The following STK24 variants were observed in gnomAD, a reference collection of about 807,000 sequenced individuals.
STK24 encodes serine/threonine kinase 24.
In STK24, 21 loss-of-function variants were observed where a neutral mutation model predicts 55.6. That is an observed-to-expected ratio of 0.38 (90% CI 0.27 to 0.54). STK24 has a LOEUF of 0.54. Among genes scored for constraint, STK24 ranks in the 20% least tolerant of loss-of-function variants. The pLI is 0.79. For missense variants in STK24, 383 were observed against 538.4 expected (o/e 0.71, Z 2.86); for synonymous variants, 200 against 215.2 (o/e 0.93, Z 0.62).
chr13:98,543,684 A>G lies in STK24; in HGVS notation c.43-24211T>C, dbSNP rs1010250974. ...GCCCTCTACTCCCAAGTGGCCCCCA[A>G]GGATGGTGCTGAACTATGGTAGGAC... On this transcript the variant is annotated intron_variant, in intron 1 of 10. Coordinates refer to ENST00000539966, the MANE Select transcript of STK24 (RefSeq NM_001032296.4). Among the ~76,000 whole-genome samples the G allele has an allele frequency of 1.6e-4, 25 of 152,268 alleles. No homozygotes were observed. In the East Asian group the frequency reaches 1.9e-3, roughly 12 times the overall value.
intron 5 of STK24, among the ~76,000 whole-genome samples, chr13:98,470,442 T>C (rs1894100165): frequency 6.6e-6 from 1 of 152,230 alleles, no homozygotes; most frequent in Non-Finnish European, 1.5e-5. Flanking sequence ...ATGTCTGAGT[T>C]TTAAAGTAAA....
rs978677897 is a variant in STK24 at position 98,519,115 on chromosome 13, C to T, written c.273+128G>A. On this transcript the variant is annotated intron_variant, in intron 2 of 10. Coordinates refer to ENST00000539966, the MANE Select transcript of STK24 (RefSeq NM_001032296.4). ...TATCAAAGCCAGGTTCTTTTGATCACGAAGGTCAAAACATCTCTCCTTGCT... is the reference window on the plus strand; with the variant it reads ...TATCAAAGCCAGGTTCTTTTGATCATGAAGGTCAAAACATCTCTCCTTGCT... 1.2e-4 allele frequency: 87 copies of T among 708,314 alleles called. No homozygotes were observed. The South Asian group carries it at 1.4e-3, about 11-fold the overall frequency. The allele number at this position is 708,314 out of a possible 1,614,324, so 43.9% of individuals were successfully genotyped here.
At chr13:98,559,088 C>A (rs1370595393) in intron 1 of STK24, among the ~76,000 whole-genome samples, 1 of 150,194 alleles carries the variant, frequency 6.7e-6, no homozygotes, top group Non-Finnish European at 1.5e-5. Context: ...ATTCAGGAGG[C>A]TGAGGGCAGA....
chr13:98,534,693 T>C (rs1270496264), intron 1 of STK24, among the ~76,000 whole-genome samples: 1 of 152,110 alleles, frequency 6.6e-6, no homozygotes. Flanking sequence ...ACCGGTAATC[T>C]GGCTCAACCA....
intron 1 of STK24, among the ~76,000 whole-genome samples, chr13:98,537,465 G>A (rs1218459875): frequency 6.6e-6 from 1 of 152,188 alleles, no homozygotes; most frequent in Non-Finnish European, 1.5e-5. Context: ...TGCAGCTGAG[G>A]AGCTGAGGCC....
rs140679513 is a variant in STK24 at position 98,521,775 on chromosome 13, C to T, written c.43-2302G>A. The T allele has an allele frequency of 2.9e-5, 23 of 781,014 alleles. No homozygotes were observed. The East Asian group carries it at 4.8e-4, about 16-fold the overall frequency. The allele number at this position is 781,014 out of a possible 1,614,324, so 48.4% of individuals were successfully genotyped here. A position where few individuals can be genotyped will look rare whatever the true frequency, so the allele number is the denominator to read the frequency against. On this transcript the variant is annotated intron_variant, in intron 1 of 10. Transcript: ENST00000539966. ...GCTGCTTTCATGCCCTCTCCCTTAC[C>T]GTGCTCCCTCCAGGATGAGGTAGAG...
intron 1 of STK24, among the ~76,000 whole-genome samples, chr13:98,559,399 T>C (rs1307180376): frequency 6.6e-6 from 1 of 152,202 alleles, no homozygotes; most frequent in Non-Finnish European, 1.5e-5. Context: ...ACACGCTCTC[T>C]TGCCTGCCGA....
intron 5 of STK24, among the ~76,000 whole-genome samples, chr13:98,468,930 A>G (rs1173598945): frequency 6.6e-6 from 1 of 152,198 alleles, no homozygotes; most frequent in African/African-American, 2.4e-5. Flanking sequence ...TCTCTGACGG[A>G]TGCACCTCCA....
At chr13:98,541,900 T>C (rs1896898951) in intron 1 of STK24, among the ~76,000 whole-genome samples, 1 of 152,196 alleles carries the variant, frequency 6.6e-6, no homozygotes, top group South Asian at 2.1e-4. Context: ...TGAGCAATAC[T>C]TTTCCACTCA....
At chr13:98,493,293 A>G (rs545895876) in intron 2 of STK24, among the ~76,000 whole-genome samples, 10 of 152,352 alleles carry the variant, frequency 6.6e-5, no homozygotes, top group Non-Finnish European at 8.8e-5. Context: ...CAAACTTGAC[A>G]CATTAAATCT....
At chr13:98,569,380 G>A (rs1318917432) in intron 1 of STK24, among the ~76,000 whole-genome samples, 1 of 149,470 alleles carries the variant, frequency 6.7e-6, no homozygotes, top group East Asian at 2.0e-4. Flanking sequence ...CCAACATCAT[G>A]GCATAAACCA....
rs1892811883 is a variant in STK24, at chr13:98,446,043, T to G, written c.*7130A>C. 1 of 1,210,768 alleles carries G rather than the reference T, an allele frequency of 8.3e-7. No individual in the cohort carries two copies. Among genetic ancestry groups the G allele is most frequent in the Non-Finnish European group, 1.2e-6 (1 of 817,604 alleles). The allele number at this position is 1,210,768 out of a possible 1,614,324, so 75.0% of individuals were successfully genotyped here. A position where few individuals can be genotyped will look rare whatever the true frequency, so the allele number is the denominator to read the frequency against. The stretch of plus-strand genomic sequence containing the variant: ...CTGGTGCAGGGAGAGCTGCTCTCTG[T>G]GCCCTCCTGGGGCAGGTGCCCGCTG... On this transcript the variant is annotated 3_prime_UTR_variant, in exon 11 of 11. Coordinates refer to ENST00000539966, the MANE Select transcript of STK24 (RefSeq NM_001032296.4).
At chr13:98,542,715 CCT>C in intron 1 of STK24, 5 of 483,546 alleles carry the variant, frequency 1.0e-5, no homozygotes, top group Non-Finnish European at 1.3e-5. Flanking sequence ...GTCCCTTGTT[CCT>C]GGAGTGAAAG....
intron 1 of STK24, 111 bp from the exon 2 acceptor site, chr13:98,519,584 C>T: frequency 5.9e-6 from 5 of 853,608 alleles, no homozygotes; most frequent in Non-Finnish European, 9.3e-6. Context: ...AGGGACTCAT[C>T]TATTTTCTGT....
Position 98,477,674 on chromosome 13 carries a change from CAAAAAAAAA to C in STK24, c.331-2325_331-2317del, listed in dbSNP as rs34403507. Among the ~76,000 whole-genome samples, 12 of 91,934 alleles carry C rather than the reference CAAAAAAAAA, an allele frequency of 1.3e-4. No homozygotes were observed. In the South Asian group the frequency reaches 4.1e-3, roughly 31 times the overall value. 60.3% of individuals were successfully genotyped at this position (91,934 alleles called of 152,430 possible). On this transcript the variant is annotated intron_variant, in intron 3 of 10. Transcript: ENST00000539966. ...TGGGTGACAGAGCAAGATTCCGTCT[CAAAAAAAAA>C]AAAAAAAAGTCACATTAGAGTCGGG...
chr13:98,546,634 G>A (rs1203221147), intron 1 of STK24, among the ~76,000 whole-genome samples: 3 of 152,048 alleles, frequency 2.0e-5, no homozygotes, highest in African/African-American at 7.2e-5. Flanking sequence ...TCCAAACATC[G>A]CCCACAACAG....
chr13:98,454,069 G>A (rs1389735817), intron 10 of STK24: 1 of 152,118 alleles, frequency 6.6e-6, no homozygotes, highest in Non-Finnish European at 1.5e-5. Context: ...CACTATATAA[G>A]TATATTTACA....
intron 2 of STK24, among the ~76,000 whole-genome samples, chr13:98,483,610 C>G (rs1451935152): frequency 6.6e-6 from 1 of 152,168 alleles, no homozygotes; most frequent in Non-Finnish European, 1.5e-5. Flanking sequence ...AAATGCTTCA[C>G]TTGTCTTCCC....
intron 4 of STK24, 32 bp downstream of exon 4, chr13:98,475,218 T>C (rs1894320137): frequency 6.4e-7 from 1 of 1,571,170 alleles, no homozygotes; most frequent in African/African-American, 1.4e-5. Context: ...ACCTTCAGTA[T>C]TTCAAAGGAA....
Sources: gnomAD v4.1 joint callset for allele counts (sites outside exome capture counted in the v4.1 genomes callset) on GRCh38, gnomAD v4.1.1 for gene constraint, MANE v1.5 for transcripts, NCBI Gene and HGNC (gene_info 2026-07-23, HGNC 2026-07-21) for gene names.